DSCAML1: variants seen among roughly 807,000 people sequenced by gnomAD.
DSCAML1 encodes DS cell adhesion molecule like 1, also known as cell adhesion molecule DSCAML1.
Under a neutral mutation model 200.5 loss-of-function variants are expected in DSCAML1, and 38 were observed. That is an observed-to-expected ratio of 0.19 (90% CI 0.15 to 0.25). The LOEUF (loss-of-function observed/expected upper bound fraction) is 0.25, where lower values mean the gene tolerates loss of function less well. Among genes scored for constraint, DSCAML1 ranks in the 10% least tolerant of loss-of-function variants. The pLI, the probability that DSCAML1 is intolerant of heterozygous loss-of-function variation, is 1.00. For synonymous variants in DSCAML1, 1,215 were observed against 1,165.0 expected, an observed-to-expected ratio of 1.04 and a Z score of -0.87; for missense variants, 2,223 against 2,858.8, an observed-to-expected ratio of 0.78 and a Z score of 5.07.
intron 3 of DSCAML1, among the ~76,000 whole-genome samples, chr11:117,674,077 C>T (rs1268232355): frequency 6.6e-6 from 1 of 152,214 alleles, no homozygotes; most frequent in East Asian, 1.9e-4. Context: ...GGTAGATTCT[C>T]CACTGGAGGA....
At chr11:117,607,559 G>C (rs929609040) in intron 3 of DSCAML1, among the ~76,000 whole-genome samples, 1 of 152,250 alleles carries the variant, frequency 6.6e-6, no homozygotes, top group African/African-American at 2.4e-5. Flanking sequence ...GGTGCAGGCA[G>C]GGCTGTGGAG....
intron 16 of DSCAML1, among the ~76,000 whole-genome samples, chr11:117,468,763 TGTGTGA>T (rs559540990): frequency 1.4e-4 from 22 of 152,290 alleles, no homozygotes; most frequent in East Asian, 9.6e-4. Flanking sequence ...TGCTGCTATG[TGTGTGA>T]GTGTGAGTGT....
chr11:117,545,425 C>T (rs2050355167), intron 3 of DSCAML1, among the ~76,000 whole-genome samples: 1 of 152,156 alleles, frequency 6.6e-6, no homozygotes, highest in Non-Finnish European at 1.5e-5. Flanking sequence ...TTTGTTTAGG[C>T]CACCCAGTCT....
At chr11:117,545,294 C>T (rs1370678667) in intron 3 of DSCAML1, among the ~76,000 whole-genome samples, 2 of 151,732 alleles carry the variant, frequency 1.3e-5, no homozygotes, top group Non-Finnish European at 2.9e-5. Context: ...AGAGAAAAGG[C>T]CATGTGAGGA....
At chr11:117,579,601 G>A (rs999685510) in intron 3 of DSCAML1, among the ~76,000 whole-genome samples, 1 of 152,148 alleles carries the variant, frequency 6.6e-6, no homozygotes, top group Non-Finnish European at 1.5e-5. Flanking sequence ...AGTTTCTTCT[G>A]TTTTCATTCT....
intron 3 of DSCAML1, among the ~76,000 whole-genome samples, chr11:117,564,328 C>A (rs2050716363): frequency 6.6e-6 from 1 of 152,212 alleles, no homozygotes. Flanking sequence ...TGCAGAGACA[C>A]TCTTCTTTGA....
At chr11:117,664,679 G>A (rs1433068996) in intron 3 of DSCAML1, among the ~76,000 whole-genome samples, 2 of 152,214 alleles carry the variant, frequency 1.3e-5, no homozygotes, top group South Asian at 2.1e-4. Flanking sequence ...TTTGGTTGAC[G>A]AGTGTTATGA....
intron 3 of DSCAML1, among the ~76,000 whole-genome samples, chr11:117,620,718 C>T (rs2051910888): frequency 6.6e-6 from 1 of 152,208 alleles, no homozygotes; most frequent in Admixed American, 6.5e-5. Flanking sequence ...AGATCAAACA[C>T]AGGATGAAGA....
At chr11:117,657,321 C>T (rs1200364493) in intron 3 of DSCAML1, among the ~76,000 whole-genome samples, 2 of 152,164 alleles carry the variant, frequency 1.3e-5, no homozygotes, top group Non-Finnish European at 2.9e-5. Context: ...CTTGAGTCCA[C>T]AAGACAGACT....
chr11:117,643,538 A>C lies in DSCAML1; in HGVS notation c.512-111016T>G, dbSNP rs370720121. Among the ~76,000 whole-genome samples the C allele has an allele frequency of 9.2e-5, 14 of 152,218 alleles. No individual in the cohort carries two copies. The South Asian group carries it at 2.9e-3, about 32-fold the overall frequency. ...GAGAGATTTTTTCTGAATGCCTTTC[A>C]TTCATTTCCCCAGCTCATCGAAGGT... On this transcript the variant is annotated intron_variant, in intron 3 of 32. Transcript: ENST00000651296.
Position 117,431,051 on chromosome 11 carries a change from A to G in DSCAML1, c.5375-18T>C. On this transcript the variant is annotated intron_variant, in intron 31 of 32. Transcript: ENST00000651296. ...TCCTTTGTCTGGGGAGTTAAGAGGA[A>G]AGGGGTGGGTTACGGGGAGGAGGGT... 1 of 1,599,338 alleles carries G rather than the reference A, an allele frequency of 6.3e-7. No homozygotes were observed. Among genetic ancestry groups the G allele is most frequent in the Non-Finnish European group, 8.5e-7 (1 of 1,172,262 alleles).
rs746511759 is a variant in DSCAML1, at chr11:117,439,426, T to C, written c.3984A>G (p.Glu1328=). 1.2e-6 allele frequency: 2 copies of C among 1,612,088 alleles called. No individual in the cohort carries two copies. The highest frequency in any genetic ancestry group is 1.7e-6 in the Non-Finnish European group (2 of 1,179,504). The change falls in exon 23 of 33, where the codon GAA becomes GAG. Residue 1328 remains glutamate (E), a synonymous_variant. Transcript: ENST00000651296. The part of the protein sequence containing the change: ...APAVKWTKDS[E]DSAIPVSMDG... ...CCATGGACACTGGAATGGCCGAGTC[T>C]TCACTGCCAGGGGCGAGGATGGGGC...
At chr11:117,772,590 T>C (rs2055059436) in intron 3 of DSCAML1, among the ~76,000 whole-genome samples, 1 of 152,164 alleles carries the variant, frequency 6.6e-6, no homozygotes, top group Non-Finnish European at 1.5e-5. Context: ...GGGAAGAGCA[T>C]GCTGGGAGAC....
At chr11:117,778,727 G>A (rs1591500964) in intron 2 of DSCAML1, among the ~76,000 whole-genome samples, 1 of 152,340 alleles carries the variant, frequency 6.6e-6, no homozygotes, top group East Asian at 1.9e-4. Flanking sequence ...CCCAATGAGG[G>A]GGAGGTGACA....
At chr11:117,632,150 C>T (rs75552903) in intron 3 of DSCAML1, among the ~76,000 whole-genome samples, 4 of 152,208 alleles carry the variant, frequency 2.6e-5, no homozygotes, top group South Asian at 2.1e-4. Context: ...CAGGTCATCA[C>T]GGACTATTAG....
At chr11:117,484,946 T>TG (rs2049013271) in intron 11 of DSCAML1, among the ~76,000 whole-genome samples, 1 of 142,096 alleles carries the variant, frequency 7.0e-6, no homozygotes, top group Non-Finnish European at 1.5e-5. Flanking sequence ...TGTGTGTAAG[T>TG]GGGGCTGGGA....
intron 1 of DSCAML1, among the ~76,000 whole-genome samples, chr11:117,794,971 G>C (rs2055543734): frequency 6.6e-6 from 1 of 152,220 alleles, no homozygotes; most frequent in Non-Finnish European, 1.5e-5. Flanking sequence ...CCCGCCTACA[G>C]GTCCAAGGCC....
chr11:117,456,661 G>A (rs1273373432), intron 19 of DSCAML1, among the ~76,000 whole-genome samples: 1 of 144,502 alleles, frequency 6.9e-6, no homozygotes, highest in East Asian at 2.0e-4. Context: ...GCTATCTGAA[G>A]CAGTCATTTC....
chr11:117,520,773 T>G (rs545787102), intron 6 of DSCAML1, among the ~76,000 whole-genome samples: 64 of 146,850 alleles, frequency 4.4e-4, no homozygotes, highest in African/African-American at 1.5e-3. Flanking sequence ...AGAATAACCT[T>G]GGACATTAGC....
Sources: gnomAD v4.1 joint callset for allele counts (sites outside exome capture counted in the v4.1 genomes callset) on GRCh38, gnomAD v4.1.1 for gene constraint, MANE v1.5 for transcripts, NCBI Gene and HGNC (gene_info 2026-07-23, HGNC 2026-07-21) for gene names.